Variants in C2CD5 observed in about 807,000 individuals in gnomAD.
C2CD5 encodes C2 calcium dependent domain containing 5, also known as C2 domain-containing protein 5.
In C2CD5, 109 loss-of-function variants were observed where a neutral mutation model predicts 130.3. The observed-to-expected ratio is 0.84, with a 90% CI of 0.72 to 0.98. The LOEUF is 0.98. C2CD5 is among the 50% of genes least tolerant of loss of function. The probability of loss-of-function intolerance (pLI) is 0.00; values close to 1 mark genes in which losing one functional copy is unlikely to be tolerated. For missense variants in C2CD5, 996 were observed against 1,261.8 expected, an observed-to-expected ratio of 0.79 and a Z score of 3.19; for synonymous variants, 454 against 429.2, an observed-to-expected ratio of 1.06 and a Z score of -0.71.
Position 22,478,427 on chromosome 12 carries a change from C to G in C2CD5, c.1788G>C (p.Gln596His). ...CATCATTAGGAGTCTTCCCAGCAATCTGAATACCACCAGGAGTTGGTAAAG... is the reference window on the plus strand; with the variant it reads ...CATCATTAGGAGTCTTCCCAGCAATGTGAATACCACCAGGAGTTGGTAAAG... ...LAALPTPGGIQIAGKTPNDGS... is the reference protein window; with the variant it reads ...LAALPTPGGIHIAGKTPNDGS... The change falls in exon 15 of 27, where the codon CAG becomes CAC. Residue 596 changes from glutamine (Q) to histidine (H), a missense_variant. Physicochemically the swap from Gln to His is conservative, Grantham distance 24 (BLOSUM62 0). This residue lies in a region of C2CD5 where 590 missense variants were observed against 631.4 expected (regional missense o/e 0.93). Coordinates refer to ENST00000446597, the MANE Select transcript of C2CD5 (RefSeq NM_001286176.2). 2.5e-6 allele frequency: 4 copies of G among 1,613,660 alleles called. No individual in the cohort carries two copies. Among genetic ancestry groups the G allele is most frequent in the Middle Eastern group, 3.3e-4 (2 of 6,062 alleles).
In C2CD5 at chr12:22,500,663, G is replaced by A. The variant is rs554050438; in HGVS notation, c.1147+6048C>T. Among the ~76,000 whole-genome samples, 41 of 152,234 alleles carry A rather than the reference G, an allele frequency of 2.7e-4. No homozygotes were observed. The South Asian group carries it at 7.5e-3, about 28-fold the overall frequency. On this transcript the variant is annotated intron_variant, in intron 10 of 26. Transcript: ENST00000446597. ...TTCCACCCTAGACCTAGCAAATTGC[G>A]TGGCACAAAATAAATTCTGATATAA...
At chr12:22,503,511 CA>C (rs1948072440) in intron 10 of C2CD5, among the ~76,000 whole-genome samples, 1 of 152,018 alleles carries the variant, frequency 6.6e-6, no homozygotes, top group African/African-American at 2.4e-5. Flanking sequence ...AAGAATGTGA[CA>C]TTTTATTTTA....
intron 22 of C2CD5, among the ~76,000 whole-genome samples, chr12:22,468,059 A>C (rs1469603863): frequency 1.4e-5 from 2 of 147,978 alleles, no homozygotes; most frequent in Non-Finnish European, 3.0e-5. Context: ...TTTGTCGATT[A>C]GGTTTTAGGG....
intron 8 of C2CD5, chr12:22,514,824 T>C (rs1001852926): frequency 6.1e-5 from 12 of 198,322 alleles, no homozygotes; most frequent in African/African-American, 2.1e-4. Context: ...CTCAATTATA[T>C]CCTTATAATT....
intron 19 of C2CD5, 58 bp from the exon 20 acceptor site, chr12:22,471,546 G>T: frequency 1.0e-6 from 1 of 975,700 alleles, no homozygotes; most frequent in Non-Finnish European, 1.5e-6. Context: ...TTTAAAAGCT[G>T]ATTTTTTTAA....
intron 3 of C2CD5, among the ~76,000 whole-genome samples, chr12:22,529,136 T>C (rs1950986530): frequency 6.6e-6 from 1 of 152,138 alleles, no homozygotes; most frequent in South Asian, 2.1e-4. Context: ...TAGACAGCTG[T>C]TAAAGGTGGG....
intron 8 of C2CD5, chr12:22,514,970 AG>A (rs1358017745): frequency 1.0e-6 from 1 of 985,266 alleles, no homozygotes; most frequent in Non-Finnish European, 1.2e-6. Flanking sequence ...AGAAGCAGCC[AG>A]GAACAGCTCT....
Position 22,502,644 on chromosome 12 carries a change from C to T in C2CD5, c.1147+4067G>A, listed in dbSNP as rs115607841. On this transcript the variant is annotated intron_variant, in intron 10 of 26. Transcript: ENST00000446597. ...AATATTATCTGTATAACTGAATTGA[C>T]CTTAAACCTACTTCATCTAGAACAT... The T allele has an allele frequency of 2.6e-5, 17 of 661,168 alleles. No individual in the cohort carries two copies. In the African/African-American group the frequency reaches 2.9e-4, roughly 11 times the overall value. 41.0% of individuals were successfully genotyped at this position (661,168 alleles called of 1,614,324 possible). A position where few individuals can be genotyped will look rare whatever the true frequency, so the allele number is the denominator to read the frequency against.
chr12:22,454,713 ATTAC>A (rs1015455015), intron 25 of C2CD5, among the ~76,000 whole-genome samples: 2 of 151,680 alleles, frequency 1.3e-5, no homozygotes, highest in Non-Finnish European at 2.9e-5. Context: ...ATTTCTTTAT[ATTAC>A]TTACTCTCCC....
chr12:22,450,245 G>C (rs1047018628), intron 26 of C2CD5, among the ~76,000 whole-genome samples: 2 of 152,098 alleles, frequency 1.3e-5, no homozygotes, highest in Admixed American at 1.3e-4. Flanking sequence ...CACTGCAACA[G>C]GAAGTGCAAC....
chr12:22,463,167 ACTTG>A (rs1941485597), intron 22 of C2CD5, among the ~76,000 whole-genome samples: 2 of 152,002 alleles, frequency 1.3e-5, no homozygotes, highest in Non-Finnish European at 2.9e-5. Context: ...CAGGCGGATC[ACTTG>A]AGGTCAGGAG....
chr12:22,515,293 A>C (rs903076955), intron 8 of C2CD5: 6 of 170,716 alleles, frequency 3.5e-5, no homozygotes, highest in Admixed American at 2.0e-4. Flanking sequence ...GCAAATGAGA[A>C]GTCACTAGCA....
intron 18 of C2CD5, 89 bp downstream of exon 18, chr12:22,472,194 AAGG>A (rs1281936575): frequency 6.8e-6 from 6 of 878,236 alleles, no homozygotes; most frequent in African/African-American, 3.5e-5. Context: ...TAATTGCAAT[AAGG>A]AGGTAAAAAA....
intron 6 of C2CD5, among the ~76,000 whole-genome samples, chr12:22,524,029 C>T (rs1950516060): frequency 6.6e-6 from 1 of 151,144 alleles, no homozygotes; most frequent in African/African-American, 2.4e-5. Context: ...GGAATGAGGT[C>T]AGAGTGGCAG....
At chr12:22,536,229 A>G (rs76874775) in intron 2 of C2CD5, among the ~76,000 whole-genome samples, 1 of 152,164 alleles carries the variant, frequency 6.6e-6, no homozygotes, top group African/African-American at 2.4e-5. Flanking sequence ...AGAAATAGTA[A>G]CAATGGCCAC....
At chr12:22,536,675 G>A (rs1951843050) in intron 2 of C2CD5, among the ~76,000 whole-genome samples, 1 of 152,176 alleles carries the variant, frequency 6.6e-6, no homozygotes, top group South Asian at 2.1e-4. Context: ...TTAAGAGGAT[G>A]AAGAATAGAT....
At chr12:22,481,929 G>A (rs536541407) in intron 14 of C2CD5, among the ~76,000 whole-genome samples, 31 of 151,664 alleles carry the variant, frequency 2.0e-4, no homozygotes, top group African/African-American at 7.5e-4. Flanking sequence ...AACGCACCTG[G>A]CCAGAAACAC....
At position 22,457,104 on chromosome 12, in the gene C2CD5, G is replaced by A. The variant is rs1353905388; in HGVS notation, c.2744C>T (p.Ala915Val). 1.2e-6 allele frequency: 2 copies of A among 1,612,036 alleles called. No individual in the cohort carries two copies. Among genetic ancestry groups the A allele is most frequent in the Admixed American group, 1.7e-5 (1 of 59,624 alleles). Residue 915 changes from alanine (A) to valine (V), a missense_variant, in exon 25 of 27, where the codon GCT (alanine) becomes GTT (valine). By Grantham distance (64) the Ala-to-Val change is moderately conservative. Transcript: ENST00000446597. ...AACTGTGGAATTTGCACAAGGTGGA[G>A]CAGAACGATTCCGGAAATTTCCATC... ...VGDGNFRNRS[A>V]PPCANSTVGV...
intron 26 of C2CD5, 75 bp from the exon 27 acceptor site, chr12:22,449,966 GCTGT>G: frequency 8.4e-7 from 1 of 1,191,776 alleles, no homozygotes; most frequent in South Asian, 1.9e-5. Flanking sequence ...AAGGGGCAGT[GCTGT>G]ACAGCCAAAA....
Sources: allele counts gnomAD v4.1 joint callset (sites outside exome capture counted in the v4.1 genomes callset), GRCh38; gene constraint gnomAD v4.1.1; regional missense constraint gnomAD v4.1.1; transcripts MANE v1.5; gene names NCBI Gene and HGNC (gene_info 2026-07-23, HGNC 2026-07-21).